Variants in ITGA9 observed in about 807,000 individuals in gnomAD.
The protein encoded by ITGA9 is integrin alpha-9.
In ITGA9, 56 loss-of-function variants were observed where a neutral mutation model predicts 127.8. The ratio of observed to expected loss-of-function variants is 0.44; its 90% CI spans 0.35 to 0.55. ITGA9 has a LOEUF of 0.55. ITGA9 is among the 20% of genes least tolerant of loss of function. The probability of loss-of-function intolerance (pLI) is 0.00; values close to 1 mark genes in which losing one functional copy is unlikely to be tolerated. For missense variants in ITGA9, 1,196 were observed against 1,347.1 expected, an observed-to-expected ratio of 0.89 and a Z score of 1.76; for synonymous variants, 508 against 514.5, an observed-to-expected ratio of 0.99 and a Z score of 0.17.
chr3:37,716,010 A>G (rs1486635646), intron 18 of ITGA9, among the ~76,000 whole-genome samples: 2 of 152,338 alleles, frequency 1.3e-5, no homozygotes, highest in African/African-American at 4.8e-5. Flanking sequence ...GATATCAAGC[A>G]AAGTCCCCAG....
intron 15 of ITGA9, among the ~76,000 whole-genome samples, chr3:37,595,665 TCTC>T (rs1699862533): frequency 6.6e-6 from 1 of 152,172 alleles, no homozygotes; most frequent in African/African-American, 2.4e-5. Flanking sequence ...TAAGTCTGCT[TCTC>T]CATTCCATTC....
intron 18 of ITGA9, among the ~76,000 whole-genome samples, chr3:37,706,232 A>G (rs1248774981): frequency 3.9e-5 from 6 of 152,156 alleles, no homozygotes; most frequent in Non-Finnish European, 7.4e-5. Context: ...TGTCTCTTCA[A>G]GCTATCAATA....
chr3:37,526,666 C>T (rs923864025), intron 13 of ITGA9, among the ~76,000 whole-genome samples: 1 of 152,242 alleles, frequency 6.6e-6, no homozygotes, highest in Non-Finnish European at 1.5e-5. Context: ...CGCCACCACC[C>T]GTGAACCCTC....
intron 18 of ITGA9, among the ~76,000 whole-genome samples, chr3:37,727,936 A>C (rs904929909): frequency 6.6e-6 from 1 of 152,146 alleles, no homozygotes; most frequent in Non-Finnish European, 1.5e-5. Context: ...TTTCAACATC[A>C]CTTTCATTGA....
chr3:37,691,344 G>A (rs1192741616), intron 18 of ITGA9, among the ~76,000 whole-genome samples: 2 of 152,128 alleles, frequency 1.3e-5, no homozygotes, highest in African/African-American at 4.8e-5. Flanking sequence ...ACCTCACAGT[G>A]TGCAGGAGTT....
chr3:37,739,903 T>C (rs1318656803), intron 20 of ITGA9, among the ~76,000 whole-genome samples: 1 of 152,150 alleles, frequency 6.6e-6, no homozygotes, highest in African/African-American at 2.4e-5. Flanking sequence ...CCCAAGGCTT[T>C]TGTCACCCCT....
intron 19 of ITGA9, among the ~76,000 whole-genome samples, chr3:37,734,211 G>T (rs1386201190): frequency 6.6e-6 from 1 of 152,218 alleles, no homozygotes; most frequent in Non-Finnish European, 1.5e-5. Context: ...CTTGGAAAAT[G>T]GATTACATGT....
chr3:37,716,128 G>A (rs1701132583), intron 18 of ITGA9, among the ~76,000 whole-genome samples: 1 of 152,218 alleles, frequency 6.6e-6, no homozygotes, highest in Admixed American at 6.5e-5. Context: ...CCAAGGGGAT[G>A]TGAATTCTCA....
Position 37,548,220 on chromosome 3 carries a change from T to C in ITGA9, c.1689+5635T>C, listed in dbSNP as rs571633645. ...CAGACACAAAAGGCTACCTACTGGA[T>C]GATTCATTTATATGACGTTCTGGAA... On this transcript the variant is annotated intron_variant, in intron 15 of 27. Transcript: ENST00000264741. Among the ~76,000 whole-genome samples, 8 of 152,300 alleles carry C rather than the reference T, an allele frequency of 5.3e-5. No individual in the cohort carries two copies. In the South Asian group the frequency reaches 1.7e-3, roughly 32 times the overall value.
chr3:37,616,847 C>T (rs1227789253), intron 15 of ITGA9, among the ~76,000 whole-genome samples: 2 of 152,160 alleles, frequency 1.3e-5, no homozygotes, highest in Non-Finnish European at 2.9e-5. Context: ...TTATTTTGAG[C>T]CTATGTGTGT....
chr3:37,508,531 A>C (rs770150219), intron 7 of ITGA9, 28 bp from the exon 8 acceptor site: 17 of 1,563,298 alleles, frequency 1.1e-5, no homozygotes, highest in Non-Finnish European at 1.4e-5. Flanking sequence ...TTTCATCCTA[A>C]CTAGATTTTT....
intron 26 of ITGA9, chr3:37,789,831 T>G (rs1697087135): frequency 3.0e-6 from 1 of 328,974 alleles, no homozygotes; most frequent in Non-Finnish European, 5.7e-6. Context: ...AAACATTTGG[T>G]AATTAACATA....
chr3:37,614,397 G>A (rs889022147), intron 15 of ITGA9, among the ~76,000 whole-genome samples: 372 of 152,264 alleles, frequency 2.4e-3, no homozygotes, highest in African/African-American at 8.5e-3. Flanking sequence ...GTCAGGTAGC[G>A]TGATGCCTCC....
At chr3:37,539,198 A>C (rs559259350) in intron 14 of ITGA9, among the ~76,000 whole-genome samples, 1 of 152,330 alleles carries the variant, frequency 6.6e-6, no homozygotes, top group South Asian at 2.1e-4. Flanking sequence ...CACACGTTGC[A>C]GGTTGAATTT....
At chr3:37,731,302 C>T (rs1301611446) in intron 18 of ITGA9, among the ~76,000 whole-genome samples, 1 of 152,064 alleles carries the variant, frequency 6.6e-6, no homozygotes, top group Non-Finnish European at 1.5e-5. Context: ...ACTGCAAGCT[C>T]CGCCTCCCGG....
At chr3:37,505,180 A>G (rs1246839744) in intron 6 of ITGA9, among the ~76,000 whole-genome samples, 2 of 152,170 alleles carry the variant, frequency 1.3e-5, no homozygotes, top group African/African-American at 4.8e-5. Context: ...AGAGGCACAG[A>G]TTAGATTTGA....
chr3:37,457,487 G>T (rs2125545767), intron 1 of ITGA9, among the ~76,000 whole-genome samples: 1 of 152,306 alleles, frequency 6.6e-6, no homozygotes, highest in South Asian at 2.1e-4. Context: ...CCCAGAAATG[G>T]TGGTGGGAGC....
rs58599271 is a variant in ITGA9 at position 37,604,006 on chromosome 3, A to G, written c.1690-25181A>G. Reference sequence around the variant, plus strand: ...AAGTCTTTCTTAGGTCTTATGATGGAACTGAAAAGCAGGCTACCTATTTTA... The same window carrying G: ...AAGTCTTTCTTAGGTCTTATGATGGGACTGAAAAGCAGGCTACCTATTTTA... On this transcript the variant is annotated intron_variant, in intron 15 of 27. Transcript: ENST00000264741. 2.1e-3 allele frequency among the ~76,000 whole-genome samples: 316 copies of G among 152,322 alleles called. 1 individual carries two copies. The highest frequency in any genetic ancestry group is 7.1e-3 in the African/African-American group (297 of 41,570).
At chr3:37,513,932 G>A in intron 9 of ITGA9, 32 bp downstream of exon 9, 1 of 1,611,974 alleles carries the variant, frequency 6.2e-7, no homozygotes, top group Non-Finnish European at 8.5e-7. Flanking sequence ...GTGCGGATGG[G>A]TGTGGGGGAG....
Sources: allele counts gnomAD v4.1 joint callset (sites outside exome capture counted in the v4.1 genomes callset), GRCh38; gene constraint gnomAD v4.1.1; transcripts MANE v1.5; gene names NCBI Gene and HGNC (gene_info 2026-07-23, HGNC 2026-07-21).